The following COMMD1 variants were observed in gnomAD, a reference collection of about 807,000 sequenced individuals.
COMMD1 encodes the protein COMM domain-containing protein 1.
A neutral mutation model predicts 17.2 loss-of-function variants in COMMD1; 10 were observed. The ratio of observed to expected loss-of-function variants is 0.58; its 90% confidence interval spans 0.36 to 0.99. The LOEUF (loss-of-function observed/expected upper bound fraction) is 0.99. COMMD1 is among the 50% of genes least tolerant of loss of function. COMMD1 has a pLI of 0.01. For synonymous variants in COMMD1, 97 were observed against 91.6 expected, an observed-to-expected ratio of 1.06 and a Z score of -0.34; for missense variants, 270 against 231.8, an observed-to-expected ratio of 1.17 and a Z score of -1.07.
chr2:62,099,997 A>G (rs555726590), intron 2 of COMMD1, among the ~76,000 whole-genome samples: 1 of 152,152 alleles, frequency 6.6e-6, no homozygotes, highest in South Asian at 2.1e-4. Context: ...GTGCACACAG[A>G]CAAGCCAATT....
intron 2 of COMMD1, among the ~76,000 whole-genome samples, chr2:62,036,753 CT>C (rs1670050603): frequency 6.6e-6 from 1 of 152,160 alleles, no homozygotes; most frequent in South Asian, 2.1e-4. Context: ...TCACTTCCAC[CT>C]TGGTTTTATT....
chr2:61,976,529 A>T (rs2103739424), intron 1 of COMMD1, among the ~76,000 whole-genome samples: 1 of 152,350 alleles, frequency 6.6e-6, no homozygotes, highest in South Asian at 2.1e-4. Context: ...AAACTGATAG[A>T]ACTGCAAGGA....
intron 2 of COMMD1, among the ~76,000 whole-genome samples, chr2:62,018,908 C>T (rs1223616348): frequency 6.6e-6 from 1 of 152,178 alleles, no homozygotes; most frequent in Non-Finnish European, 1.5e-5. Context: ...GGCCTGGTCT[C>T]TGCTGCCAAG....
At chr2:62,050,415 C>T (rs1008152123) in intron 2 of COMMD1, among the ~76,000 whole-genome samples, 1 of 152,114 alleles carries the variant, frequency 6.6e-6, no homozygotes, top group African/African-American at 2.4e-5. Context: ...TTTTGTGTAT[C>T]TTTCAGTTAT....
At chr2:62,106,627 T>C (rs896875288) in intron 2 of COMMD1, among the ~76,000 whole-genome samples, 6 of 152,226 alleles carry the variant, frequency 3.9e-5, no homozygotes, top group African/African-American at 1.4e-4. Context: ...GAGATAATAG[T>C]TTTTGAGACG....
chr2:62,103,951 C>T lies in COMMD1; in HGVS notation c.463-31880C>T, dbSNP rs139213632. ...TGCCTCCCAGGTTTAAGTGATTCTC[C>T]CACCTCAGCCTCCCAAGTAGCTGGG... On this transcript the variant is annotated intron_variant, in intron 2 of 2. Transcript: ENST00000311832. 2.2e-4 allele frequency among the ~76,000 whole-genome samples: 34 copies of T among 152,176 alleles called. No homozygotes were observed. In the East Asian group the frequency reaches 6.2e-3, roughly 28 times the overall value.
At chr2:62,056,864 G>A (rs1039256000) in intron 2 of COMMD1, among the ~76,000 whole-genome samples, 1 of 152,234 alleles carries the variant, frequency 6.6e-6, no homozygotes, top group African/African-American at 2.4e-5. Context: ...GGCCTTGAAA[G>A]TATGTTTGAG....
chr2:61,904,169 C>T (rs1669718348), upstream of COMMD1, among the ~76,000 whole-genome samples: 1 of 152,042 alleles, frequency 6.6e-6, no homozygotes, highest in Non-Finnish European at 1.5e-5. Flanking sequence ...CGCCACTAGG[C>T]CCGGCTAATT....
intron 2 of COMMD1, among the ~76,000 whole-genome samples, chr2:62,089,425 A>G (rs1477403962): frequency 6.6e-6 from 1 of 151,710 alleles, no homozygotes; most frequent in African/African-American, 2.4e-5. Context: ...AGCTGGGATT[A>G]CAAGCGCGCT....
chr2:61,999,938 T>A (rs1250306181), intron 1 of COMMD1, among the ~76,000 whole-genome samples: 4 of 151,218 alleles, frequency 2.6e-5, no homozygotes, highest in Non-Finnish European at 4.4e-5. Context: ...CACTTTTTTT[T>A]TTTTGAGTGC....
At chr2:62,070,978 C>T (rs1671185419) in intron 2 of COMMD1, among the ~76,000 whole-genome samples, 1 of 152,156 alleles carries the variant, frequency 6.6e-6, no homozygotes. Context: ...TTGCAGTGAG[C>T]TGAGATTGTG....
At chr2:61,918,055 C>A (rs1670094348) in intron 1 of COMMD1, among the ~76,000 whole-genome samples, 1 of 152,190 alleles carries the variant, frequency 6.6e-6, no homozygotes, top group Non-Finnish European at 1.5e-5. Flanking sequence ...GGAATATTGG[C>A]TTGCCAATGC....
At chr2:62,128,352 A>C (rs1193403044) in intron 2 of COMMD1, among the ~76,000 whole-genome samples, 7 of 151,864 alleles carry the variant, frequency 4.6e-5, no homozygotes, top group Admixed American at 1.3e-4. Flanking sequence ...AAAAAACAAA[A>C]AAACTCAAGA....
intron 1 of COMMD1, among the ~76,000 whole-genome samples, chr2:61,940,408 T>G (rs1228910898): frequency 6.6e-6 from 1 of 152,212 alleles, no homozygotes; most frequent in Non-Finnish European, 1.5e-5. Flanking sequence ...TCAGATTTCA[T>G]AATTCTGTTA....
rs759267675 is a variant in COMMD1, at chr2:62,028,016, T to G, written c.462+27034T>G. On this transcript the variant is annotated intron_variant, in intron 2 of 2. Coordinates refer to ENST00000311832, the MANE Select transcript of COMMD1 (RefSeq NM_152516.4). ...TAAATTTAGTTCCTGATTTTTATAG[T>G]CCATGTTAGCCTGTTCAGTGCATTA... Among the ~76,000 whole-genome samples, 117 of 152,166 alleles carry G rather than the reference T, an allele frequency of 7.7e-4. 2 individuals are homozygous for G. The highest frequency in any genetic ancestry group is 2.6e-4 in the Non-Finnish European group (18 of 68,026).
chr2:62,130,483 C>T (rs1349093588), intron 2 of COMMD1, among the ~76,000 whole-genome samples: 2 of 152,092 alleles, frequency 1.3e-5, no homozygotes, highest in Non-Finnish European at 2.9e-5. Flanking sequence ...TCCTTTCCCA[C>T]TCTCACCCTC....
chr2:62,000,608 G>A, intron 1 of COMMD1, 93 bp from the exon 2 acceptor site: 1 of 1,215,534 alleles, frequency 8.2e-7, no homozygotes, highest in Non-Finnish European at 1.2e-6. Flanking sequence ...AGTGATTTAA[G>A]AGTCACTCAA....
rs755257124 is a variant in COMMD1 at position 62,074,880 on chromosome 2, G to A, written c.463-60951G>A. Reference sequence around the variant, plus strand: ...TTCATTTGGTGCACATTTTGTTTGTGTGGTTTTTTTTTTTTTTTTTTTTTT... The same window carrying A: ...TTCATTTGGTGCACATTTTGTTTGTATGGTTTTTTTTTTTTTTTTTTTTTT... On this transcript the variant is annotated intron_variant, in intron 2 of 2. Transcript: ENST00000311832. Among the ~76,000 whole-genome samples the A allele has an allele frequency of 1.8e-3, 252 of 138,140 alleles. 2 individuals are homozygous for A. Among genetic ancestry groups the A allele is most frequent in the Non-Finnish European group, 2.8e-3 (178 of 64,332 alleles). 90.6% of individuals were successfully genotyped at this position (138,140 alleles called of 152,430 possible). A position where few individuals can be genotyped will look rare whatever the true frequency, so the allele number is the denominator to read the frequency against.
At chr2:61,948,396 A>G (rs1670965230) in intron 1 of COMMD1, among the ~76,000 whole-genome samples, 1 of 152,232 alleles carries the variant, frequency 6.6e-6, no homozygotes. Flanking sequence ...TTTCGGGACT[A>G]CTTAATTTAT....
Sources: gnomAD v4.1 joint callset for allele counts (sites outside exome capture counted in the v4.1 genomes callset) on GRCh38, gnomAD v4.1.1 for gene constraint, MANE v1.5 for transcripts, NCBI Gene and HGNC (gene_info 2026-07-23, HGNC 2026-07-21) for gene names.